The following SH3RF3 variants were observed in gnomAD, a reference collection of about 807,000 sequenced individuals.
SH3RF3 encodes the protein E3 ubiquitin-protein ligase SH3RF3.
In SH3RF3, 29 loss-of-function variants were observed where a neutral mutation model predicts 66.3. That is an observed-to-expected ratio of 0.44 (90% CI 0.33 to 0.60). The LOEUF is 0.60. Ranked by LOEUF, SH3RF3 falls within the 20% of genes least tolerant of loss-of-function variation. The pLI is 0.04. For missense variants in SH3RF3, 1,194 were observed against 1,190.9 expected (o/e 1.00, Z -0.04); for synonymous variants, 583 against 532.0 (o/e 1.10, Z -1.32).
chr2:109,188,872 G>A (rs950994406), intron 1 of SH3RF3, among the ~76,000 whole-genome samples: 2 of 152,070 alleles, frequency 1.3e-5, no homozygotes, highest in South Asian at 2.1e-4. Context: ...GAACGTGTTC[G>A]CTTTGCCGGG....
At chr2:109,155,184 C>T (rs1677312607) in intron 1 of SH3RF3, among the ~76,000 whole-genome samples, 1 of 152,204 alleles carries the variant, frequency 6.6e-6, no homozygotes. Flanking sequence ...CTACAACTTG[C>T]TATGCTGATG....
At chr2:109,405,373 G>A (rs1356621461) in intron 4 of SH3RF3, among the ~76,000 whole-genome samples, 1 of 152,066 alleles carries the variant, frequency 6.6e-6, no homozygotes, top group Non-Finnish European at 1.5e-5. Flanking sequence ...CTGACTCCCT[G>A]CCCCTGAGTT....
chr2:109,217,216 T>C (rs1023670090), intron 1 of SH3RF3, among the ~76,000 whole-genome samples: 1 of 152,260 alleles, frequency 6.6e-6, no homozygotes, highest in African/African-American at 2.4e-5. Context: ...GACAATATTC[T>C]GGGAGCAATC....
At chr2:109,499,101 C>T (rs1369579062) in intron 9 of SH3RF3, among the ~76,000 whole-genome samples, 1 of 152,162 alleles carries the variant, frequency 6.6e-6, no homozygotes, top group East Asian at 1.9e-4. Context: ...TCAGTCCAAG[C>T]AGGGTGAAAG....
intron 1 of SH3RF3, among the ~76,000 whole-genome samples, chr2:109,238,401 A>G (rs1395198771): frequency 6.7e-6 from 1 of 150,226 alleles, no homozygotes; most frequent in African/African-American, 2.4e-5. Context: ...GCTTTAAAAA[A>G]TTTTCTCTTT....
intron 2 of SH3RF3, among the ~76,000 whole-genome samples, chr2:109,350,199 G>A (rs1475142271): frequency 6.6e-6 from 1 of 152,204 alleles, no homozygotes; most frequent in Non-Finnish European, 1.5e-5. Flanking sequence ...GGGTAGCCGA[G>A]CAGGGGTCCA....
intron 4 of SH3RF3, among the ~76,000 whole-genome samples, chr2:109,404,837 A>G (rs1351415957): frequency 1.3e-5 from 2 of 152,118 alleles, no homozygotes; most frequent in Non-Finnish European, 2.9e-5. Flanking sequence ...TGCCCTGTCC[A>G]GCATCCTCCT....
At chr2:109,409,295 C>T (rs1039457770) in intron 4 of SH3RF3, among the ~76,000 whole-genome samples, 1 of 152,192 alleles carries the variant, frequency 6.6e-6, no homozygotes, top group African/African-American at 2.4e-5. Context: ...GGGCAGCAAA[C>T]GTTCTAAAGG....
At position 109,180,632 on chromosome 2, in the gene SH3RF3, T is replaced by C. The variant is rs117821277; in HGVS notation, c.573+50519T>C. Among the ~76,000 whole-genome samples, 1,222 of 152,348 alleles carry C rather than the reference T, an allele frequency of 8.0e-3. 11 individuals are homozygous for C. The highest frequency in any genetic ancestry group is 0.04 in the East Asian group (206 of 5,180). On this transcript the variant is annotated intron_variant, in intron 1 of 9. Transcript: ENST00000309415. ...AGTCTCACGAGATCTGATGATTTTA[T>C]AAGGAGAAACCCTTTTTGCTTGGCT... is the stretch of plus-strand genomic sequence containing the variant.
chr2:109,366,384 T>A (rs962934355), intron 2 of SH3RF3, among the ~76,000 whole-genome samples: 1 of 152,242 alleles, frequency 6.6e-6, no homozygotes, highest in Non-Finnish European at 1.5e-5. Flanking sequence ...CACTAAATGA[T>A]CTTTAGACTA....
intron 3 of SH3RF3, among the ~76,000 whole-genome samples, chr2:109,397,404 A>AT (rs1381611613): frequency 6.6e-6 from 1 of 152,110 alleles, no homozygotes; most frequent in Non-Finnish European, 1.5e-5. Context: ...TCCCATGATG[A>AT]TTCTAGTATC....
intron 5 of SH3RF3, among the ~76,000 whole-genome samples, chr2:109,426,025 G>A (rs1559077047): frequency 6.6e-6 from 1 of 152,152 alleles, no homozygotes; most frequent in East Asian, 1.9e-4. Flanking sequence ...AGCCTTCCCG[G>A]TAGCTGGGAT....
At position 109,170,340 on chromosome 2, in the gene SH3RF3, C is replaced by G. The variant is rs1027844268; in HGVS notation, c.573+40227C>G. On this transcript the variant is annotated intron_variant, in intron 1 of 9. Coordinates refer to ENST00000309415, the MANE Select transcript of SH3RF3 (RefSeq NM_001099289.3). ...TCCTCTCTCTCTCTCCTCTCTCTCT[C>G]TCTTTCCTTTCTTTCTTTCTTTTTT... Among the ~76,000 whole-genome samples, 3 of 148,662 alleles carry G rather than the reference C, an allele frequency of 2.0e-5. No homozygotes were observed. In the Admixed American group the frequency reaches 2.0e-4, roughly 10 times the overall value.
chr2:109,406,842 A>T (rs1676464290), intron 4 of SH3RF3, among the ~76,000 whole-genome samples: 1 of 152,150 alleles, frequency 6.6e-6, no homozygotes, highest in Non-Finnish European at 1.5e-5. Flanking sequence ...TGCGCATTTC[A>T]GTGGTCGAAG....
At chr2:109,468,063 C>T (rs1376519854) in intron 8 of SH3RF3, among the ~76,000 whole-genome samples, 1 of 152,222 alleles carries the variant, frequency 6.6e-6, no homozygotes, top group East Asian at 1.9e-4. Context: ...CCACAACTCA[C>T]TAATCAAAAC....
intron 1 of SH3RF3, among the ~76,000 whole-genome samples, chr2:109,173,103 A>G (rs935072702): frequency 6.6e-6 from 1 of 152,258 alleles, no homozygotes; most frequent in Non-Finnish European, 1.5e-5. Flanking sequence ...TTAAGTTTCA[A>G]TAAATGAACA....
intron 1 of SH3RF3, among the ~76,000 whole-genome samples, chr2:109,274,945 A>G (rs1338266776): frequency 2.0e-5 from 3 of 152,062 alleles, no homozygotes; most frequent in African/African-American, 7.3e-5. Context: ...TGAATTGTTC[A>G]CTTTAAAATG....
chr2:109,148,507 A>C (rs899896810), intron 1 of SH3RF3, among the ~76,000 whole-genome samples: 18 of 152,208 alleles, frequency 1.2e-4, no homozygotes, highest in Middle Eastern at 3.2e-3. Flanking sequence ...GGAAGAATGA[A>C]AGAAGGGTTG....
At chr2:109,468,518 C>A (rs994409608) in intron 8 of SH3RF3, among the ~76,000 whole-genome samples, 1 of 152,088 alleles carries the variant, frequency 6.6e-6, no homozygotes, top group Middle Eastern at 3.2e-3. Context: ...TGTTTCCATG[C>A]GCCTGGCAAG....
Sources: gnomAD v4.1 joint callset for allele counts (sites outside exome capture counted in the v4.1 genomes callset) on GRCh38, gnomAD v4.1.1 for gene constraint, MANE v1.5 for transcripts, NCBI Gene and HGNC (gene_info 2026-07-23, HGNC 2026-07-21) for gene names.